Variants in ADAM22 observed in about 807,000 individuals in gnomAD.
ADAM22 encodes disintegrin and metalloproteinase domain-containing protein 22.
ADAM22 carries 65 observed loss-of-function variants against 144.6 expected under a neutral mutation model. The observed-to-expected ratio is 0.45, with a 90% CI of 0.37 to 0.55. The LOEUF (loss-of-function observed/expected upper bound fraction) is 0.55, where lower values mean the gene tolerates loss of function less well. ADAM22 is among the 20% of genes least tolerant of loss of function. The pLI, the probability that ADAM22 is intolerant of heterozygous loss-of-function variation, is 0.00. For synonymous variants in ADAM22, 391 were observed against 412.6 expected (o/e 0.95, Z 0.63); for missense variants, 974 against 1,184.9 (o/e 0.82, Z 2.61).
chr7:88,098,857 A>C (rs935766642), intron 4 of ADAM22, among the ~76,000 whole-genome samples: 1 of 152,118 alleles, frequency 6.6e-6, no homozygotes, highest in African/African-American at 2.4e-5. Context: ...TAATATGCCT[A>C]ATCCTTTTGG....
intron 3 of ADAM22, among the ~76,000 whole-genome samples, chr7:88,044,093 G>A (rs1803874016): frequency 6.6e-6 from 1 of 152,188 alleles, no homozygotes; most frequent in South Asian, 2.1e-4. Context: ...CAATATGTCA[G>A]TTATTAAAAA....
At chr7:88,158,707 T>C (rs1237754690) in intron 22 of ADAM22, among the ~76,000 whole-genome samples, 2 of 151,904 alleles carry the variant, frequency 1.3e-5, no homozygotes, top group Non-Finnish European at 2.9e-5. Context: ...TCTTTGAAAC[T>C]AATGAGAAAA....
At chr7:88,082,408 A>T (rs963440372) in intron 4 of ADAM22, among the ~76,000 whole-genome samples, 2 of 152,214 alleles carry the variant, frequency 1.3e-5, no homozygotes, top group African/African-American at 4.8e-5. Flanking sequence ...AGGCAATACC[A>T]TTCAGGACAT....
intron 2 of ADAM22, 141 bp downstream of exon 2, chr7:87,935,327 C>T: frequency 1.0e-6 from 1 of 991,758 alleles, no homozygotes; most frequent in Non-Finnish European, 1.4e-6. Context: ...GCATGGCGCT[C>T]CCTGTGCAAA....
intron 4 of ADAM22, among the ~76,000 whole-genome samples, chr7:88,100,261 T>C (rs1414437698): frequency 6.6e-6 from 1 of 152,190 alleles, no homozygotes; most frequent in African/African-American, 2.4e-5. Context: ...TGACAGTTTT[T>C]CAAAAATTAA....
intron 24 of ADAM22, 39 bp from the exon 25 acceptor site, chr7:88,168,098 A>T: frequency 6.4e-7 from 1 of 1,566,850 alleles, no homozygotes; most frequent in Non-Finnish European, 8.8e-7. Context: ...AAAGGATTTT[A>T]TACCACTGAT....
At position 88,196,485 on chromosome 7, in the gene ADAM22, C is replaced by T. The variant is rs888984013; in HGVS notation, c.2889C>T (p.Ser963=). 6.2e-7 allele frequency: 1 copy of T among 1,613,982 alleles called. No individual in the cohort carries two copies. Among genetic ancestry groups the T allele is most frequent in the African/African-American group, 1.3e-5 (1 of 74,930 alleles). Reference sequence around the variant, plus strand: ...CTGTTGTGCAGCTATGGGAGACATCCATTTAAGATCAACTGTTTACATGTG... The same window carrying T: ...CTGTTGTGCAGCTATGGGAGACATCTATTTAAGATCAACTGTTTACATGTG... ...NRQSARLWET[S]I is the part of the protein sequence containing the mutation. The change falls in exon 32 of 32, where the codon TCC becomes TCT. Residue 963 remains serine (S), a synonymous_variant. Coordinates refer to ENST00000413139, the MANE Select transcript of ADAM22 (RefSeq NM_001324418.2).
At chr7:88,120,276 C>T (rs555866497) in intron 7 of ADAM22, among the ~76,000 whole-genome samples, 21 of 152,190 alleles carry the variant, frequency 1.4e-4, no homozygotes, top group African/African-American at 5.1e-4. Context: ...GTGCTGCACC[C>T]ATTAACTGGT....
chr7:87,945,595 C>A (rs1843503933), intron 2 of ADAM22, among the ~76,000 whole-genome samples: 1 of 151,492 alleles, frequency 6.6e-6, no homozygotes, highest in Admixed American at 6.6e-5. Flanking sequence ...TCACTGCAAC[C>A]TCCACCCTCC....
intron 17 of ADAM22, among the ~76,000 whole-genome samples, chr7:88,146,158 C>T (rs1407972676): frequency 6.6e-6 from 1 of 152,182 alleles, no homozygotes; most frequent in Non-Finnish European, 1.5e-5. Flanking sequence ...TTTTCTCATA[C>T]AAAATCTGGT....
At position 88,150,665 on chromosome 7, in the gene ADAM22, A is replaced by G. The variant is rs550613961; in HGVS notation, c.1567-316A>G. Among the ~76,000 whole-genome samples, 293 of 152,306 alleles carry G rather than the reference A, an allele frequency of 1.9e-3. 1 individual carries two copies. The highest frequency in any genetic ancestry group is 4.2e-3 in the Admixed American group (64 of 15,294). On this transcript the variant is annotated intron_variant, in intron 18 of 31. Coordinates refer to ENST00000413139, the MANE Select transcript of ADAM22 (RefSeq NM_001324418.2). ...TTTAAATGTATCATTAATTGAGTCT[A>G]TGGTAGTCAGTTCTTTTTATTTGCT...
intron 25 of ADAM22, among the ~76,000 whole-genome samples, chr7:88,170,630 G>A (rs962812739): frequency 4.6e-5 from 7 of 151,870 alleles, no homozygotes; most frequent in Non-Finnish European, 8.8e-5. Context: ...TCATGTGCCC[G>A]TTATCAAACG....
chr7:88,054,271 C>T (rs1283902205), intron 3 of ADAM22, among the ~76,000 whole-genome samples: 1 of 152,130 alleles, frequency 6.6e-6, no homozygotes, highest in Non-Finnish European at 1.5e-5. Context: ...AATTTATATT[C>T]TCACCAGAAA....
At chr7:88,093,971 A>G (rs1385393318) in intron 4 of ADAM22, among the ~76,000 whole-genome samples, 7 of 152,212 alleles carry the variant, frequency 4.6e-5, no homozygotes, top group Non-Finnish European at 7.3e-5. Context: ...GAAAGCTGAC[A>G]TGAGAGATTT....
chr7:88,180,082 A>G (rs2129537696), intron 27 of ADAM22, among the ~76,000 whole-genome samples: 1 of 152,228 alleles, frequency 6.6e-6, no homozygotes, highest in South Asian at 2.1e-4. Flanking sequence ...GAAGGAGAAT[A>G]GAAGGAATTA....
At chr7:88,168,950 A>G (rs1843574064) in intron 25 of ADAM22, among the ~76,000 whole-genome samples, 1 of 152,128 alleles carries the variant, frequency 6.6e-6, no homozygotes, top group Non-Finnish European at 1.5e-5. Context: ...GGGAATTAGA[A>G]TCAAAATTTT....
chr7:88,154,466 G>T (rs915201344), intron 21 of ADAM22, among the ~76,000 whole-genome samples: 11 of 152,054 alleles, frequency 7.2e-5, no homozygotes, highest in Admixed American at 2.6e-4. Context: ...TCAAAGCCCA[G>T]CTTGGGAAAC....
chr7:87,979,300 A>T (rs995337682), intron 3 of ADAM22, among the ~76,000 whole-genome samples: 1 of 152,210 alleles, frequency 6.6e-6, no homozygotes, highest in South Asian at 2.1e-4. Flanking sequence ...ACTTAGGACC[A>T]TGTTATCTGG....
chr7:88,085,099 G>A (rs189017379), intron 4 of ADAM22, among the ~76,000 whole-genome samples: 369 of 152,286 alleles, frequency 2.4e-3, no homozygotes, highest in African/African-American at 7.6e-3. Flanking sequence ...AGGTATTAGG[G>A]GTTAGGACTT....
Sources: gnomAD v4.1 joint callset for allele counts (sites outside exome capture counted in the v4.1 genomes callset) on GRCh38, gnomAD v4.1.1 for gene constraint, MANE v1.5 for transcripts, NCBI Gene and HGNC (gene_info 2026-07-23, HGNC 2026-07-21) for gene names.